The following C8orf34 variants were observed in gnomAD, a reference collection of about 807,000 sequenced individuals.
C8orf34 encodes the protein uncharacterized protein C8orf34.
A neutral mutation model predicts 68.3 loss-of-function variants in C8orf34; 65 were observed. That is an observed-to-expected ratio of 0.95 (90% CI 0.78 to 1.17). The LOEUF is 1.17. Ranked by LOEUF, C8orf34 falls within the 50% of genes most tolerant of loss-of-function variation. The probability of loss-of-function intolerance (pLI) is 0.00; values close to 1 mark genes in which losing one functional copy is unlikely to be tolerated. For synonymous variants in C8orf34, 244 were observed against 241.2 expected (o/e 1.01, Z -0.11); for missense variants, 664 against 655.4 (o/e 1.01, Z -0.14).
chr8:68,788,546 A>C (rs1300337868), intron 12 of C8orf34, among the ~76,000 whole-genome samples: 1 of 152,108 alleles, frequency 6.6e-6, no homozygotes. Flanking sequence ...TTGAAGGAAA[A>C]CAGCAACCAT....
At chr8:68,508,188 C>T (rs1195291533) in intron 5 of C8orf34, among the ~76,000 whole-genome samples, 3 of 152,134 alleles carry the variant, frequency 2.0e-5, no homozygotes, top group African/African-American at 7.2e-5. Flanking sequence ...TTATTGAAGA[C>T]ACTCATCATA....
chr8:68,476,497 A>G (rs1812623058), intron 4 of C8orf34, among the ~76,000 whole-genome samples: 1 of 152,198 alleles, frequency 6.6e-6, no homozygotes, highest in African/African-American at 2.4e-5. Flanking sequence ...AAAGGCCAAA[A>G]GGATGACTAA....
At chr8:68,561,635 G>A (rs909052691) in intron 7 of C8orf34, among the ~76,000 whole-genome samples, 1 of 152,106 alleles carries the variant, frequency 6.6e-6, no homozygotes, top group Non-Finnish European at 1.5e-5. Context: ...GCAGACACCT[G>A]TATTCCCAGC....
chr8:68,426,547 C>T (rs1005813319), intron 1 of C8orf34, among the ~76,000 whole-genome samples: 1 of 101,922 alleles, frequency 9.8e-6, no homozygotes, highest in Middle Eastern at 5.8e-3. Context: ...AAAAAGAAAA[C>T]AGAAAAAAAG....
At chr8:68,539,650 G>C (rs1458174762) in intron 7 of C8orf34, among the ~76,000 whole-genome samples, 1 of 151,972 alleles carries the variant, frequency 6.6e-6, no homozygotes, top group African/African-American at 2.4e-5. Flanking sequence ...TCAGGAGTTC[G>C]AGACCAGCCT....
rs1211016939 is a variant in C8orf34 at position 68,462,117 on chromosome 8, C to CA, written c.608-6568dup. On this transcript the variant is annotated intron_variant, in intron 3 of 13. Coordinates refer to ENST00000518698, the MANE Select transcript of C8orf34 (RefSeq NM_052958.4). ...GAAGATCTACCAAGCAAATGGAAAA[C>CA]AAAAAAAGGCAGGGGTTGCAATCCT... 2.1e-4 allele frequency among the ~76,000 whole-genome samples: 32 copies of CA among 151,354 alleles called. No homozygotes were observed. The East Asian group carries it at 5.3e-3, about 25-fold the overall frequency.
chr8:68,407,411 C>T (rs1809248292), intron 1 of C8orf34, among the ~76,000 whole-genome samples: 1 of 152,010 alleles, frequency 6.6e-6, no homozygotes, highest in Admixed American at 6.6e-5. Context: ...AGTAAAGGTC[C>T]TGCTGTTTGT....
chr8:68,631,238 G>C (rs1298092294), intron 7 of C8orf34, among the ~76,000 whole-genome samples: 1 of 151,752 alleles, frequency 6.6e-6, no homozygotes, highest in African/African-American at 2.4e-5. Flanking sequence ...CTCCAGCCTG[G>C]GCAAGAGAGC....
intron 1 of C8orf34, among the ~76,000 whole-genome samples, chr8:68,431,990 G>A (rs558912258): frequency 2.8e-4 from 43 of 152,094 alleles, no homozygotes; most frequent in East Asian, 9.7e-4. Context: ...TATGATAAAC[G>A]TAATTTTACA....
intron 7 of C8orf34, among the ~76,000 whole-genome samples, chr8:68,623,636 G>A (rs1193750451): frequency 6.6e-6 from 1 of 152,160 alleles, no homozygotes; most frequent in East Asian, 1.9e-4. Context: ...TTACAGTTGT[G>A]GAGGCTGGAA....
chr8:68,667,969 A>G (rs1270511453), intron 8 of C8orf34, among the ~76,000 whole-genome samples: 1 of 152,162 alleles, frequency 6.6e-6, no homozygotes, highest in African/African-American at 2.4e-5. Context: ...AGAAAATAAA[A>G]TTCTGCCATG....
At chr8:68,477,343 A>G (rs1344270614) in intron 4 of C8orf34, among the ~76,000 whole-genome samples, 2 of 152,178 alleles carry the variant, frequency 1.3e-5, no homozygotes, top group East Asian at 1.9e-4. Flanking sequence ...CAACATGGGG[A>G]CAGAGTTGAC....
chr8:68,676,881 A>G (rs1208838374), intron 8 of C8orf34, among the ~76,000 whole-genome samples: 1 of 152,218 alleles, frequency 6.6e-6, no homozygotes, highest in Non-Finnish European at 1.5e-5. Flanking sequence ...GGATGGTGGC[A>G]GGCAAAGAGA....
At chr8:68,556,421 T>A (rs1310542181) in intron 7 of C8orf34, among the ~76,000 whole-genome samples, 1 of 151,970 alleles carries the variant, frequency 6.6e-6, no homozygotes, top group East Asian at 1.9e-4. Context: ...TCTAAATAAT[T>A]TTTTGTGATT....
intron 1 of C8orf34, among the ~76,000 whole-genome samples, chr8:68,361,599 A>AT (rs1807002722): frequency 6.6e-6 from 1 of 152,096 alleles, no homozygotes; most frequent in Admixed American, 6.5e-5. Context: ...GCTTCCTTAC[A>AT]TTTTCCATTT....
rs561124485 is a variant in C8orf34, at chr8:68,458,610, G to T, written c.608-10082G>T. ...AAAGAGGGTTAACAAAAGTGCCAAA[G>T]TTTTGAAGAATCTGATACAAATATT... On this transcript the variant is annotated intron_variant, in intron 3 of 13. Transcript: ENST00000518698. Among the ~76,000 whole-genome samples the T allele has an allele frequency of 3.5e-4, 53 of 152,292 alleles. 1 individual carries two copies. The South Asian group carries it at 0.011, about 30-fold the overall frequency.
At chr8:68,663,139 T>C (rs1293166703) in intron 8 of C8orf34, among the ~76,000 whole-genome samples, 1 of 152,212 alleles carries the variant, frequency 6.6e-6, no homozygotes, top group African/African-American at 2.4e-5. Context: ...TTTACATCAA[T>C]CTGCATAACA....
intron 1 of C8orf34, among the ~76,000 whole-genome samples, chr8:68,349,445 TTG>T (rs1254995355): frequency 6.6e-6 from 1 of 151,970 alleles, no homozygotes; most frequent in African/African-American, 2.4e-5. Context: ...TCTTTTTTTA[TTG>T]TGTCTTTGCC....
At chr8:68,726,543 AG>A (rs1821836153) in intron 10 of C8orf34, among the ~76,000 whole-genome samples, 1 of 152,198 alleles carries the variant, frequency 6.6e-6, no homozygotes. Flanking sequence ...CTGCTGAGCT[AG>A]ATTGGAGGTA....
Sources: allele counts gnomAD v4.1 joint callset (sites outside exome capture counted in the v4.1 genomes callset), GRCh38; gene constraint gnomAD v4.1.1; transcripts MANE v1.5; gene names NCBI Gene and HGNC (gene_info 2026-07-23, HGNC 2026-07-21).